Variants in SPRY3 observed in about 807,000 individuals in gnomAD.
The protein encoded by SPRY3 is protein sprouty homolog 3.
A neutral mutation model predicts 20.2 loss-of-function variants in SPRY3; 15 were observed. That is an observed-to-expected ratio of 0.74 (90% CI 0.50 to 1.14). The LOEUF (loss-of-function observed/expected upper bound fraction) is 1.14. SPRY3 is among the 50% of genes most tolerant of loss of function. The pLI, the probability that SPRY3 is intolerant of heterozygous loss-of-function variation, is 0.00. For synonymous variants in SPRY3, 143 were observed against 136.5 expected (o/e 1.05, Z -0.33); for missense variants, 364 against 363.9 (o/e 1.00, Z 0.00).
chrX:155,715,486 T>C (rs963473670), intron 2 of SPRY3, among the ~76,000 whole-genome samples: 19 of 152,142 alleles, frequency 1.2e-4, no homozygotes, highest in Non-Finnish European at 2.2e-4. Flanking sequence ...CCCTCTCATC[T>C]TCAAATGGAA....
intron 1 of SPRY3, among the ~76,000 whole-genome samples, chrX:155,656,707 G>T (rs2067993481): frequency 9.0e-6 from 1 of 111,450 alleles, no homozygotes; most frequent in African/African-American, 3.3e-5. Flanking sequence ...GCCTTTTTAC[G>T]CTGGTTTTTT....
intron 2 of SPRY3, among the ~76,000 whole-genome samples, chrX:155,697,217 G>T (rs1309956928): frequency 9.0e-6 from 1 of 110,979 alleles, no homozygotes; most frequent in African/African-American, 3.3e-5. Flanking sequence ...CCCAGTGTAG[G>T]TGGGCATCAT....
At chrX:155,680,274 C>G (rs1466960175) in intron 2 of SPRY3, among the ~76,000 whole-genome samples, 1 of 106,570 alleles carries the variant, frequency 9.4e-6, no homozygotes, top group African/African-American at 3.4e-5. Context: ...ACTACTCTGG[C>G]CCTAGTATGG....
intron 1 of SPRY3, among the ~76,000 whole-genome samples, chrX:155,644,166 A>AT (rs782579670): frequency 9.1e-6 from 1 of 110,024 alleles, no homozygotes; most frequent in South Asian, 3.9e-4. Flanking sequence ...GGGTGAAAAT[A>AT]TTTTTTCCTT....
At chrX:155,711,074 T>C (rs2090982873) in intron 2 of SPRY3, among the ~76,000 whole-genome samples, 1 of 151,922 alleles carries the variant, frequency 6.6e-6, no homozygotes, top group African/African-American at 2.4e-5. Flanking sequence ...TAGTATTTTG[T>C]TGAAGAATTT....
At chrX:155,713,335 A>T (rs2091000093) in intron 2 of SPRY3, among the ~76,000 whole-genome samples, 1 of 152,060 alleles carries the variant, frequency 6.6e-6, no homozygotes, top group Non-Finnish European at 1.5e-5. Context: ...ATTAATGCCC[A>T]TTAATGTCTT....
intron 1 of SPRY3, among the ~76,000 whole-genome samples, chrX:155,650,228 T>C (rs975910767): frequency 1.8e-5 from 2 of 111,528 alleles, no homozygotes; most frequent in Non-Finnish European, 3.8e-5. Context: ...TAAGCTACCA[T>C]TGACTTTCCT....
chrX:155,709,764 C>T (rs1040593107), intron 2 of SPRY3, among the ~76,000 whole-genome samples: 1 of 151,674 alleles, frequency 6.6e-6, no homozygotes, highest in African/African-American at 2.4e-5. Flanking sequence ...AGAGTTCTCC[C>T]AATGTTTTCT....
At chrX:155,758,694 A>G (rs772171436) in intron 2 of SPRY3, among the ~76,000 whole-genome samples, 2 of 152,314 alleles carry the variant, frequency 1.3e-5, no homozygotes, top group East Asian at 3.9e-4. Context: ...AGACTTTCAG[A>G]ATTTGTGTGG....
chrX:155,742,405 C>G (rs1412358775), intron 2 of SPRY3, among the ~76,000 whole-genome samples: 3 of 152,136 alleles, frequency 2.0e-5, no homozygotes, highest in Non-Finnish European at 4.4e-5. Context: ...GAGACTTTAT[C>G]ACTCCACTGT....
At position 155,679,728 on chromosome X, in the gene SPRY3, C is replaced by T. The variant is rs745423407; in HGVS notation, c.-282+22703C>T. Reference sequence around the variant, plus strand: ...TAGTCATTAAATAATTACATACTAGCAGTCTGTATTAGCCTTTATAAATGA... The same window carrying T: ...TAGTCATTAAATAATTACATACTAGTAGTCTGTATTAGCCTTTATAAATGA... On this transcript the variant is annotated intron_variant, in intron 2 of 3. Transcript: ENST00000675360. 4.5e-4 allele frequency among the ~76,000 whole-genome samples: 50 copies of T among 111,769 alleles called. 1 individual carries two copies. In the South Asian group the frequency reaches 0.018, roughly 40 times the overall value.
intron 2 of SPRY3, among the ~76,000 whole-genome samples, chrX:155,725,552 GTGTA>G: frequency 6.6e-6 from 1 of 152,274 alleles, no homozygotes; most frequent in Middle Eastern, 3.4e-3. Context: ...TCTTGGGAGG[GTGTA>G]TGTGTCAAGG....
downstream of SPRY3, chrX:155,780,996 T>C (rs2091459738): frequency 2.4e-5 from 4 of 164,412 alleles, no homozygotes; most frequent in South Asian, 8.5e-4. Context: ...CCTTGACTTA[T>C]ATCAACACTC....
intron 2 of SPRY3, among the ~76,000 whole-genome samples, chrX:155,754,812 TA>T (rs2091277594): frequency 6.6e-6 from 1 of 152,034 alleles, no homozygotes; most frequent in South Asian, 2.1e-4. Context: ...ATTTTTTTGT[TA>T]AATGTATTCT....
intron 1 of SPRY3, among the ~76,000 whole-genome samples, chrX:155,643,851 A>G (rs1428854926): frequency 1.8e-5 from 2 of 111,705 alleles, no homozygotes; most frequent in Non-Finnish European, 3.8e-5. Context: ...TGTTGCAGTT[A>G]TTATTTTCCA....
intron 1 of SPRY3, among the ~76,000 whole-genome samples, chrX:155,623,359 G>C (rs2067877406): frequency 9.0e-6 from 1 of 111,205 alleles, no homozygotes. Flanking sequence ...TTCAACAGAG[G>C]AATGGGCACT....
At chrX:155,721,083 C>T (rs1397756875) in intron 2 of SPRY3, among the ~76,000 whole-genome samples, 1 of 152,064 alleles carries the variant, frequency 6.6e-6, no homozygotes, top group Non-Finnish European at 1.5e-5. Flanking sequence ...ATAAACTTAA[C>T]ACAGATATTG....
At chrX:155,767,569 GGT>G (rs2091341379) in intron 2 of SPRY3, among the ~76,000 whole-genome samples, 1 of 150,338 alleles carries the variant, frequency 6.7e-6, no homozygotes, top group African/African-American at 2.5e-5. Flanking sequence ...AGGGGGAGGA[GGT>G]AAAGGAGGAA....
chrX:155,710,041 C>T (rs2090975638), intron 2 of SPRY3, among the ~76,000 whole-genome samples: 1 of 151,602 alleles, frequency 6.6e-6, no homozygotes, highest in East Asian at 1.9e-4. Context: ...TATGCGAGTA[C>T]CATGCTGTTT....
Sources: gnomAD v4.1 joint callset for allele counts (sites outside exome capture counted in the v4.1 genomes callset) on GRCh38, gnomAD v4.1.1 for gene constraint, MANE v1.5 for transcripts, NCBI Gene and HGNC (gene_info 2026-07-23, HGNC 2026-07-21) for gene names.